Variants in CHL1 observed in about 807,000 individuals in gnomAD.
CHL1 encodes neural cell adhesion molecule L1-like protein.
In CHL1, 96 loss-of-function variants were observed where a neutral mutation model predicts 141.9. The ratio of observed to expected loss-of-function variants is 0.68; its 90% CI spans 0.57 to 0.80. The LOEUF is 0.80. Among genes scored for constraint, CHL1 ranks in the 30% least tolerant of loss-of-function variants. The pLI is 0.00. For missense variants in CHL1, 1,820 were observed against 1,457.2 expected (o/e 1.25, Z -4.05); for synonymous variants, 613 against 502.2 (o/e 1.22, Z -2.95).
intron 23 of CHL1, 90 bp from the exon 24 acceptor site, chr3:394,603 A>G: frequency 1.1e-6 from 1 of 917,396 alleles, no homozygotes; most frequent in East Asian, 2.5e-5. Context: ...ATCTTTACGT[A>G]CCACAAGCAT....
intron 1 of CHL1, among the ~76,000 whole-genome samples, chr3:220,542 A>T (rs1387275025): frequency 6.6e-6 from 1 of 152,246 alleles, no homozygotes; most frequent in East Asian, 1.9e-4. Context: ...AGGTCCATGC[A>T]TAATTTTTGT....
At chr3:234,324 C>T (rs1018648317) in intron 1 of CHL1, among the ~76,000 whole-genome samples, 1 of 152,068 alleles carries the variant, frequency 6.6e-6, no homozygotes, top group Admixed American at 6.6e-5. Context: ...TAACCAATTG[C>T]TGTCTCCTAC....
chr3:379,044 CT>C (rs1706699998), intron 16 of CHL1, among the ~76,000 whole-genome samples: 1 of 152,086 alleles, frequency 6.6e-6, no homozygotes, highest in Non-Finnish European at 1.5e-5. Context: ...TTTGCCTACC[CT>C]TCTTTATCAT....
chr3:343,034 A>T lies in CHL1; in HGVS notation c.727+3A>T, dbSNP rs753181487. On this transcript the variant is annotated splice_donor_region_variant and intron_variant, in intron 8 of 27. Transcript: ENST00000256509. Reference sequence around the variant, plus strand: ...ATCCACAGAAATTGGTTCCAAGGGTAAGTTGAACCCATGTGGAGTGTTGGC... The same window carrying T: ...ATCCACAGAAATTGGTTCCAAGGGTTAGTTGAACCCATGTGGAGTGTTGGC... 1 of 1,606,718 alleles carries T rather than the reference A, an allele frequency of 6.2e-7. No homozygotes were observed. The highest frequency in any genetic ancestry group is 8.5e-7 in the Non-Finnish European group (1 of 1,176,984).
intron 15 of CHL1, chr3:373,569 T>G (rs1406349044): frequency 6.6e-6 from 1 of 152,424 alleles, no homozygotes; most frequent in Non-Finnish European, 1.5e-5. Flanking sequence ...TGATTCCCAG[T>G]GCTGGCTGCT....
intron 3 of CHL1, among the ~76,000 whole-genome samples, chr3:321,032 A>G (rs1700521765): frequency 6.6e-6 from 1 of 152,102 alleles, no homozygotes; most frequent in Non-Finnish European, 1.5e-5. Context: ...TTGGGACTTA[A>G]CTAAAACGTT....
At chr3:198,848 A>G (rs1023243478) in intron 1 of CHL1, among the ~76,000 whole-genome samples, 1 of 152,244 alleles carries the variant, frequency 6.6e-6, no homozygotes, top group Admixed American at 6.5e-5. Flanking sequence ...TCCAACTCCT[A>G]CGAAGCTCTG....
At chr3:307,949 C>A (rs926678887) in intron 2 of CHL1, among the ~76,000 whole-genome samples, 3 of 152,118 alleles carry the variant, frequency 2.0e-5, no homozygotes, top group South Asian at 2.1e-4. Flanking sequence ...TTTGTTGACA[C>A]TTTTAAGAAC....
chr3:382,504 A>T lies in CHL1; in HGVS notation c.2009A>T (p.Glu670Val). Residue 670 changes from glutamate to valine, a missense_variant, in exon 18 of 28, where the codon GAA becomes GTA. Transcript: ENST00000256509. The stretch of plus-strand genomic sequence containing the variant: ...ATTGTTGAATTTGAAGGAAACAAAG[A>T]AGAGCCTGGAAGGTGGGAGGAACTG... ...EYIVEFEGNK[E>V]EPGRWEELTR... The T allele has an allele frequency of 1.2e-6, 2 of 1,613,872 alleles. No homozygotes were observed. The highest frequency in any genetic ancestry group is 1.7e-6 in the Non-Finnish European group (2 of 1,179,748).
intron 1 of CHL1, among the ~76,000 whole-genome samples, chr3:204,545 G>C (rs1300388332): frequency 6.6e-6 from 1 of 152,212 alleles, no homozygotes; most frequent in African/African-American, 2.4e-5. Context: ...AAGGAATGTG[G>C]GGATTTTGAT....
intron 2 of CHL1, among the ~76,000 whole-genome samples, chr3:271,446 T>C (rs960874228): frequency 6.6e-6 from 1 of 152,140 alleles, no homozygotes; most frequent in Non-Finnish European, 1.5e-5. Flanking sequence ...CTCAAAAAAA[T>C]CATTGCACTT....
At chr3:321,404 T>C (rs924587509) in intron 3 of CHL1, among the ~76,000 whole-genome samples, 1 of 152,122 alleles carries the variant, frequency 6.6e-6, no homozygotes, top group Non-Finnish European at 1.5e-5. Context: ...GTAGAAATTC[T>C]GGTCGGGAGT....
At chr3:343,777 C>A (rs1219314444) in intron 8 of CHL1, among the ~76,000 whole-genome samples, 1 of 152,174 alleles carries the variant, frequency 6.6e-6, no homozygotes, top group Non-Finnish European at 1.5e-5. Flanking sequence ...TGGACTGATT[C>A]ATCCCCAACA....
At chr3:394,609 A>G in intron 23 of CHL1, 84 bp from the exon 24 acceptor site, 1 of 977,650 alleles carries the variant, frequency 1.0e-6, no homozygotes, top group South Asian at 1.6e-5. Context: ...ACGTACCACA[A>G]GCATAAGGAG....
At chr3:392,202 A>G (rs768846722) in intron 23 of CHL1, among the ~76,000 whole-genome samples, 4 of 152,192 alleles carry the variant, frequency 2.6e-5, no homozygotes, top group Non-Finnish European at 5.9e-5. Flanking sequence ...TAATGTTTAT[A>G]TATAAGATGT....
chr3:292,865 G>A (rs150210987), intron 2 of CHL1, among the ~76,000 whole-genome samples: 29 of 152,264 alleles, frequency 1.9e-4, no homozygotes, highest in African/African-American at 6.7e-4. Context: ...CCAGCCATGA[G>A]GGATCTACCC....
At chr3:352,702 G>A (rs1166544990) in intron 10 of CHL1, among the ~76,000 whole-genome samples, 1 of 152,072 alleles carries the variant, frequency 6.6e-6, no homozygotes, top group Non-Finnish European at 1.5e-5. Context: ...TACTTCTATA[G>A]GAGAAATGGA....
chr3:384,822 G>A (rs1707479766), intron 19 of CHL1, among the ~76,000 whole-genome samples: 1 of 152,022 alleles, frequency 6.6e-6, no homozygotes, highest in South Asian at 2.1e-4. Flanking sequence ...TAATTTTTGG[G>A]AGAATTTTAG....
At chr3:363,635 A>T in intron 14 of CHL1, 1 of 331,646 alleles carries the variant, frequency 3.0e-6, no homozygotes, top group Non-Finnish European at 5.5e-6. Flanking sequence ...GGCTGTCAAT[A>T]TTTAAAAATT....
Sources: gnomAD v4.1 joint callset for allele counts (sites outside exome capture counted in the v4.1 genomes callset) on GRCh38, gnomAD v4.1.1 for gene constraint, MANE v1.5 for transcripts, NCBI Gene and HGNC (gene_info 2026-07-23, HGNC 2026-07-21) for gene names.